Variants in TTC39A observed in about 807,000 individuals in gnomAD.
TTC39A encodes the protein tetratricopeptide repeat protein 39A.
A neutral mutation model predicts 82.3 loss-of-function variants in TTC39A; 46 were observed. That is an observed-to-expected ratio of 0.56 (90% CI 0.44 to 0.71). The LOEUF is 0.71. Ranked by LOEUF, TTC39A falls within the 30% of genes least tolerant of loss-of-function variation. The probability of loss-of-function intolerance (pLI) is 0.00; values close to 1 mark genes in which losing one functional copy is unlikely to be tolerated. For missense variants in TTC39A, 543 were observed against 712.9 expected, an observed-to-expected ratio of 0.76 and a Z score of 2.71; for synonymous variants, 254 against 275.2, an observed-to-expected ratio of 0.92 and a Z score of 0.76.
chr1:51,290,754 G>C lies in TTC39A; in HGVS notation c.1267-129C>G, dbSNP rs1644179405. ...CTTCTAGCTCTAATCATCCATGACA[G>C]GTCTCAGTCAGCCTGTGAAGCTGTG... On this transcript the variant is annotated intron_variant, in intron 14 of 17. Transcript: ENST00000680483. The C allele has an allele frequency of 5.8e-6, 4 of 689,812 alleles. No individual in the cohort carries two copies. In the Admixed American group the frequency reaches 1.1e-4, roughly 19 times the overall value. 42.7% of individuals were successfully genotyped at this position (689,812 alleles called of 1,614,324 possible). A position where few individuals can be genotyped will look rare whatever the true frequency, so the allele number is the denominator to read the frequency against.
intron 1 of TTC39A, among the ~76,000 whole-genome samples, chr1:51,340,712 C>T (rs1646023840): frequency 6.6e-6 from 1 of 152,234 alleles, no homozygotes; most frequent in Non-Finnish European, 1.5e-5. Context: ...GGTATAGCAG[C>T]ATGCCGTGCA....
At chr1:51,330,696 C>T (rs1441682341), upstream of TTC39A, 3 of 916,378 alleles carry the variant, frequency 3.3e-6, no homozygotes, top group Non-Finnish European at 3.9e-6. The surrounding 1 kb of genome is among the most constrained non-coding windows in gnomAD (Gnocchi z 4.5). Context: ...CCCGCACCGC[C>T]GGGGGTTCTG....
chr1:51,318,132 A>T (rs1220046767), intron 2 of TTC39A, among the ~76,000 whole-genome samples: 2 of 152,174 alleles, frequency 1.3e-5, no homozygotes, highest in African/African-American at 4.8e-5. Context: ...GCATGGCCTT[A>T]TCGGGGCTTC....
At chr1:51,336,515 G>A (rs1645977010) in intron 1 of TTC39A, among the ~76,000 whole-genome samples, 2 of 152,252 alleles carry the variant, frequency 1.3e-5, no homozygotes, top group African/African-American at 4.8e-5. Flanking sequence ...GAAGGAGCCT[G>A]GGTTAGCACA....
At chr1:51,305,370 C>T (rs1644830836) in intron 7 of TTC39A, among the ~76,000 whole-genome samples, 1 of 152,136 alleles carries the variant, frequency 6.6e-6, no homozygotes, top group South Asian at 2.1e-4. Context: ...GCCAGGAAAC[C>T]CCTGGCCACC....
At chr1:51,333,082 C>T (rs1570019225), upstream of TTC39A, among the ~76,000 whole-genome samples, 1 of 152,068 alleles carries the variant, frequency 6.6e-6, no homozygotes, top group Non-Finnish European at 1.5e-5. Flanking sequence ...CATGGTGGCG[C>T]ACGCCTGTAA....
chr1:51,296,219 C>A (rs1009375323), intron 12 of TTC39A, 49 bp from the exon 13 acceptor site: 1 of 1,544,844 alleles, frequency 6.5e-7, no homozygotes, highest in Non-Finnish European at 8.8e-7. Context: ...TCCTCCAGCC[C>A]CAGCCGGGCT....
At chr1:51,332,886 TG>T (rs574618785), upstream of TTC39A, among the ~76,000 whole-genome samples, 59 of 152,286 alleles carry the variant, frequency 3.9e-4, no homozygotes, top group African/African-American at 1.4e-3. Flanking sequence ...CTTTGTTTCA[TG>T]CACAAAATTA....
At chr1:51,292,042 A>G (rs1644245470) in intron 14 of TTC39A, among the ~76,000 whole-genome samples, 1 of 152,114 alleles carries the variant, frequency 6.6e-6, no homozygotes, top group Non-Finnish European at 1.5e-5. Flanking sequence ...AAAAATAAAA[A>G]TAGTAGCTGA....
intron 1 of TTC39A, among the ~76,000 whole-genome samples, chr1:51,344,584 C>T (rs751453014): frequency 6.6e-6 from 1 of 152,208 alleles, no homozygotes; most frequent in Non-Finnish European, 1.5e-5. Flanking sequence ...TTCATCTGTC[C>T]GGGCACACAG....
At chr1:51,331,163 G>A (rs1645902175), upstream of TTC39A, 4 of 1,537,910 alleles carry the variant, frequency 2.6e-6, no homozygotes, top group Non-Finnish European at 3.5e-6. Flanking sequence ...CCTAATAAGT[G>A]GCAAGCTAGG....
At chr1:51,313,925 C>G (rs964002609) in intron 2 of TTC39A, among the ~76,000 whole-genome samples, 1 of 152,262 alleles carries the variant, frequency 6.6e-6, no homozygotes, top group Non-Finnish European at 1.5e-5. Context: ...GCCTCCCAGA[C>G]CACTGGGAAT....
chr1:51,294,552 G>A lies in TTC39A; in HGVS notation c.1146-41C>T, dbSNP rs1208147310. 1.9e-6 allele frequency: 3 copies of A among 1,611,578 alleles called. No homozygotes were observed. ...GGAGGGTGGGAGAGGATGAAAAAGA[G>A]CAGGAGAGGGCAGAGGGTCCCCAGC... On this transcript the variant is annotated intron_variant, in intron 13 of 17. Coordinates refer to ENST00000680483, the MANE Select transcript of TTC39A (RefSeq NM_001297663.2). The surrounding 1 kb of genome is among the most constrained non-coding windows in gnomAD (Gnocchi z 4.3).
In TTC39A at chr1:51,294,564, A is replaced by C; in HGVS notation, c.1146-53T>G. ...AGGATGAAAAAGAGCAGGAGAGGGCAGAGGGTCCCCAGCCTACCCAGCTAT... is the reference window on the plus strand; with the variant it reads ...AGGATGAAAAAGAGCAGGAGAGGGCCGAGGGTCCCCAGCCTACCCAGCTAT... On this transcript the variant is annotated intron_variant, in intron 13 of 17. Transcript: ENST00000680483. The surrounding 1 kb of genome is among the most constrained non-coding windows in gnomAD (Gnocchi z 4.3). 1 of 1,609,764 alleles carries C rather than the reference A, an allele frequency of 6.2e-7. No homozygotes were observed. Among genetic ancestry groups the C allele is most frequent in the Non-Finnish European group, 8.5e-7 (1 of 1,178,314 alleles).
upstream of TTC39A, among the ~76,000 whole-genome samples, chr1:51,333,410 T>C (rs534764821): frequency 1.4e-3 from 212 of 152,320 alleles, no homozygotes; most frequent in African/African-American, 4.9e-3. Context: ...GGGTTAGGGA[T>C]AGTCAGCCTG....
At chr1:51,309,575 T>A (rs1645007715) in intron 5 of TTC39A, 1 of 705,706 alleles carries the variant, frequency 1.4e-6, no homozygotes, top group Non-Finnish European at 2.1e-6. Context: ...CCACGCCCAG[T>A]GATTAACAGT....
At position 51,288,119 on chromosome 1, in the gene TTC39A, G is replaced by A; in HGVS notation, c.*38C>T. ...GAAATGTTTTCAGGAGCTCTGTCCA[G>A]CTGTCTCTGTCTTCCAGCCCGGAAC... On this transcript the variant is annotated 3_prime_UTR_variant, in exon 18 of 18. Coordinates refer to ENST00000680483, the MANE Select transcript of TTC39A (RefSeq NM_001297663.2). The surrounding 1 kb of genome is among the most constrained non-coding windows in gnomAD (Gnocchi z 4.8). 2 of 1,612,840 alleles carry A rather than the reference G, an allele frequency of 1.2e-6. No homozygotes were observed. Among genetic ancestry groups the A allele is most frequent in the Non-Finnish European group, 1.7e-6 (2 of 1,179,216 alleles).
intron 1 of TTC39A, among the ~76,000 whole-genome samples, chr1:51,337,522 G>A (rs982071477): frequency 6.6e-6 from 1 of 151,340 alleles, no homozygotes; most frequent in Non-Finnish European, 1.5e-5. Flanking sequence ...AGCCTCCCGG[G>A]TTCAAGTGGT....
intron 16 of TTC39A, 58 bp from the exon 17 acceptor site, chr1:51,289,013 G>A: frequency 6.7e-7 from 1 of 1,487,292 alleles, no homozygotes; most frequent in Non-Finnish European, 9.2e-7. Context: ...CAAACTGCAT[G>A]TGAGGATTTC....
Sources: allele counts gnomAD v4.1 joint callset (sites outside exome capture counted in the v4.1 genomes callset), GRCh38; gene constraint gnomAD v4.1.1; non-coding constraint Gnocchi (gnomAD v3.1); transcripts MANE v1.5; gene names NCBI Gene and HGNC (gene_info 2026-07-23, HGNC 2026-07-21).